The following GDI2 variants were observed in gnomAD, a reference collection of about 807,000 sequenced individuals.
GDI2 encodes the protein rab GDP dissociation inhibitor beta.
A neutral mutation model predicts 54.2 loss-of-function variants in GDI2; 22 were observed. The ratio of observed to expected loss-of-function variants is 0.41; its 90% CI spans 0.29 to 0.58. The LOEUF (loss-of-function observed/expected upper bound fraction) is 0.58. GDI2 is among the 20% of genes least tolerant of loss of function. GDI2 has a pLI of 0.35. For synonymous variants in GDI2, 177 were observed against 182.1 expected (o/e 0.97, Z 0.23); for missense variants, 422 against 546.0 (o/e 0.77, Z 2.26).
chr10:5,784,556 T>C (rs1840830269), intron 6 of GDI2, among the ~76,000 whole-genome samples: 1 of 152,098 alleles, frequency 6.6e-6, no homozygotes, highest in Admixed American at 6.5e-5. Context: ...GGATAGACTA[T>C]GTCAGAGGGA....
chr10:5,778,912 G>T (rs1220316090), intron 6 of GDI2, among the ~76,000 whole-genome samples: 1 of 152,184 alleles, frequency 6.6e-6, no homozygotes, highest in Admixed American at 6.5e-5. Context: ...CAACTTTTCA[G>T]AGGAAGAATC....
chr10:5,806,120 G>A (rs894858953), intron 1 of GDI2, among the ~76,000 whole-genome samples: 3 of 152,114 alleles, frequency 2.0e-5, no homozygotes, highest in East Asian at 1.9e-4. Context: ...TTCCAAAAAC[G>A]GTTGTACCAA....
At chr10:5,810,208 A>T (rs889709441) in intron 1 of GDI2, among the ~76,000 whole-genome samples, 7 of 152,260 alleles carry the variant, frequency 4.6e-5, no homozygotes, top group Non-Finnish European at 1.0e-4. Context: ...GTTTTTAAAC[A>T]TATGATGCTG....
At chr10:5,795,737 C>A (rs1206313943) in intron 3 of GDI2, among the ~76,000 whole-genome samples, 1 of 151,884 alleles carries the variant, frequency 6.6e-6, no homozygotes, top group Non-Finnish European at 1.5e-5. Context: ...CAAGACCAAC[C>A]CACACAACAC....
At chr10:5,792,688 CA>C (rs5782859) in intron 4 of GDI2, among the ~76,000 whole-genome samples, 79 of 131,068 alleles carry the variant, frequency 6.0e-4, no homozygotes, top group Non-Finnish European at 5.4e-4. Flanking sequence ...TGCGCTTATT[CA>C]AAAAAAAAAA....
intron 2 of GDI2, among the ~76,000 whole-genome samples, chr10:5,799,163 G>T (rs1234528997): frequency 1.3e-5 from 2 of 151,550 alleles, no homozygotes; most frequent in African/African-American, 4.9e-5. Flanking sequence ...GCAACACAGA[G>T]AGACCCCATC....
chr10:5,798,748 C>A (rs1841202126), intron 2 of GDI2, among the ~76,000 whole-genome samples: 1 of 152,174 alleles, frequency 6.6e-6, no homozygotes, highest in Admixed American at 6.5e-5. Flanking sequence ...AAGGCCAAGG[C>A]AGGCAGATCA....
In GDI2 at chr10:5,775,449, C is replaced by T. The variant is rs187023733; in HGVS notation, c.720-1508G>A. 3.9e-5 allele frequency among the ~76,000 whole-genome samples: 6 copies of T among 152,246 alleles called. No individual in the cohort carries two copies. The East Asian group carries it at 1.2e-3, about 29-fold the overall frequency. ...CAGGCAGCAACTTCCCTAGTCCTTGCAACATGGTACAGCTACAACAGAAGC... is the reference window on the plus strand; with the variant it reads ...CAGGCAGCAACTTCCCTAGTCCTTGTAACATGGTACAGCTACAACAGAAGC... On this transcript the variant is annotated intron_variant, in intron 6 of 10. Transcript: ENST00000380191.
In GDI2 at chr10:5,774,909, C is replaced by CAAGGGCAAGGG. The variant is rs1840584773; in HGVS notation, c.720-969_720-968insCCCTTGCCCTT. On this transcript the variant is annotated intron_variant, in intron 6 of 10. Coordinates refer to ENST00000380191, the MANE Select transcript of GDI2 (RefSeq NM_001494.4). The surrounding 1 kb of genome is among the most constrained non-coding windows in gnomAD (Gnocchi z 4.8). ...CCCAGGGGAAGGGGAAGGGCAAGGG[C>CAAGGGCAAGGG]AAGGGCAAGGCCAAGGGAAGGGTTG... is the stretch of plus-strand genomic sequence containing the variant. 7.5e-6 allele frequency among the ~76,000 whole-genome samples: 1 copy of CAAGGGCAAGGG among 133,634 alleles called. No homozygotes were observed. Among genetic ancestry groups the CAAGGGCAAGGG allele is most frequent in the Admixed American group, 7.3e-5 (1 of 13,650 alleles). The allele number at this position is 133,634 out of a possible 152,430, so 87.7% of individuals were successfully genotyped here.
At chr10:5,780,011 A>G (rs1840715084) in intron 6 of GDI2, among the ~76,000 whole-genome samples, 2 of 151,956 alleles carry the variant, frequency 1.3e-5, no homozygotes. Flanking sequence ...GAAGTTCAAC[A>G]CCAGCCTGGG....
rs1840408089 is a variant in GDI2, at chr10:5,768,381, CAA to C, written c.821_822del (p.Ile274SerfsTer4). On this transcript the variant is annotated frameshift_variant and splice_region_variant, in exon 8 of 11. Coordinates refer to ENST00000380191, the MANE Select transcript of GDI2 (RefSeq NM_001494.4). LOFTEE classifies it high-confidence loss of function. The surrounding 1 kb of genome is among the most constrained non-coding windows in gnomAD (Gnocchi z 4.4). ...KVIGVKSEGE[I>X]ARCKQLICDP... ...TCACAGATGAGCTGCTTACAGCGAG[CAA>C]TCTATAACAAAGCATTTAAGAAGAC... The C allele has an allele frequency of 6.2e-7, 1 of 1,605,282 alleles. No individual in the cohort carries two copies. The highest frequency in any genetic ancestry group is 8.5e-7 in the Non-Finnish European group (1 of 1,172,198).
intron 1 of GDI2, among the ~76,000 whole-genome samples, chr10:5,812,982 C>T (rs1347914744): frequency 6.6e-6 from 1 of 152,152 alleles, no homozygotes; most frequent in Non-Finnish European, 1.5e-5. Flanking sequence ...CCGAGCCTCA[C>T]GGCCCGCATC....
chr10:5,779,240 G>A lies in GDI2; in HGVS notation c.720-5299C>T, dbSNP rs147733586. Among the ~76,000 whole-genome samples the A allele has an allele frequency of 6.3e-3, 958 of 152,230 alleles. 10 individuals carry two copies. Among genetic ancestry groups the A allele is most frequent in the Non-Finnish European group, 6.6e-3 (452 of 68,010 alleles). On this transcript the variant is annotated intron_variant, in intron 6 of 10. Transcript: ENST00000380191. ...AAAATGAAAACTATAGGCCGGGAACGGTGACTCATGCCTGTAAAGCAGCAG... is the reference window on the plus strand; with the variant it reads ...AAAATGAAAACTATAGGCCGGGAACAGTGACTCATGCCTGTAAAGCAGCAG...
chr10:5,807,522 A>AG (rs966149696), intron 1 of GDI2, among the ~76,000 whole-genome samples: 2 of 152,256 alleles, frequency 1.3e-5, no homozygotes, highest in African/African-American at 4.8e-5. Context: ...AAATGACCTA[A>AG]GCAGGATAAG....
At chr10:5,805,243 A>G (rs996788212) in intron 1 of GDI2, among the ~76,000 whole-genome samples, 3 of 151,814 alleles carry the variant, frequency 2.0e-5, no homozygotes, top group African/African-American at 7.3e-5. Flanking sequence ...TTCTACCCAG[A>G]TTTCCAAACT....
At chr10:5,785,503 T>G (rs1254325452) in intron 5 of GDI2, among the ~76,000 whole-genome samples, 1 of 152,056 alleles carries the variant, frequency 6.6e-6, no homozygotes, top group Admixed American at 6.6e-5. Context: ...GCCTCCCAAG[T>G]GGCTGGAATT....
intron 1 of GDI2, chr10:5,811,840 G>T: frequency 3.6e-6 from 2 of 553,614 alleles, no homozygotes; most frequent in Non-Finnish European, 5.9e-6. Context: ...AAAAATGACA[G>T]ACCAGAAAAA....
rs768266050 is a variant in GDI2, at chr10:5,766,027, ATTC to A, written c.1314_1316del (p.Lys438del). 1.1e-5 allele frequency: 17 copies of A among 1,585,496 alleles called. No homozygotes were observed. Among genetic ancestry groups the A allele is most frequent in the Admixed American group, 2.0e-5 (1 of 49,582 alleles). On this transcript the variant is annotated inframe_deletion, in exon 11 of 11. Coordinates refer to ENST00000380191, the MANE Select transcript of GDI2 (RefSeq NM_001494.4). This position sits in a 1 kb window ranked among gnomAD's most constrained non-coding sequence, Gnocchi z 5.8. ...GCTGTTAGTCTTCCCCATAGATGTC[ATTC>A]TTCTTGCGCTTCATTTCCTCAAAGT...
At chr10:5,812,382 C>T (rs940935756) in intron 1 of GDI2, among the ~76,000 whole-genome samples, 1 of 152,094 alleles carries the variant, frequency 6.6e-6, no homozygotes, top group African/African-American at 2.4e-5. Flanking sequence ...CTTCCAACTC[C>T]CTGAAGAAAG....
Sources: allele counts gnomAD v4.1 joint callset (sites outside exome capture counted in the v4.1 genomes callset), GRCh38; gene constraint gnomAD v4.1.1; non-coding constraint Gnocchi (gnomAD v3.1); transcripts MANE v1.5; gene names NCBI Gene and HGNC (gene_info 2026-07-23, HGNC 2026-07-21).